RNF213: variants seen among roughly 807,000 people sequenced by gnomAD.
RNF213 encodes ring finger protein 213.
In RNF213, 341 loss-of-function variants were observed where a neutral mutation model predicts 514.4. That is an observed-to-expected ratio of 0.66 (90% CI 0.61 to 0.73). RNF213 has a LOEUF of 0.73. RNF213 is among the 30% of genes least tolerant of loss of function. The pLI, the probability that RNF213 is intolerant of heterozygous loss-of-function variation, is 0.00. For synonymous variants in RNF213, 2,655 were observed against 2,658.2 expected (o/e 1.00, Z 0.04); for missense variants, 5,767 against 6,615.6 (o/e 0.87, Z 4.45).
At chr17:80,277,974 C>T in intron 3 of RNF213, among the ~76,000 whole-genome samples, 1 of 152,212 alleles carries the variant, frequency 6.6e-6, no homozygotes, top group Admixed American at 6.5e-5. Context: ...GGGGCCCGCG[C>T]CTGTCCCTTG....
chr17:80,353,347 G>C lies in RNF213; in HGVS notation c.10424-165G>C. The stretch of plus-strand genomic sequence containing the variant: ...CTGGAAGGAAGGGGCTGCCTTGGGG[G>C]CTGATCTTCATGACCGTGATCTCTC... On this transcript the variant is annotated intron_variant, in intron 33 of 67. Coordinates refer to ENST00000582970, the MANE Select transcript of RNF213 (RefSeq NM_001256071.3). The surrounding 1 kb of genome is among the most constrained non-coding windows in gnomAD (Gnocchi z 5.0). The C allele has an allele frequency of 1.1e-6, 1 of 877,994 alleles. No homozygotes were observed. The highest frequency in any genetic ancestry group is 1.5e-5 in the South Asian group (1 of 67,280). The allele number at this position is 877,994 out of a possible 1,614,324, so 54.4% of individuals were successfully genotyped here. A position where few individuals can be genotyped will look rare whatever the true frequency, so the allele number is the denominator to read the frequency against.
chr17:80,345,896 A>G lies in RNF213; in HGVS notation c.7561A>G (p.Ile2521Val), dbSNP rs1425008837. The change falls in exon 29 of 68, where the codon ATA becomes GTA. Residue 2521 changes from isoleucine (I) to valine (V), a missense_variant. By Grantham distance (29) the Ile-to-Val change is conservative (BLOSUM62 3). Transcript: ENST00000582970. This position sits in a 1 kb window ranked among gnomAD's most constrained non-coding sequence, Gnocchi z 6.0. Reference sequence around the variant, plus strand: ...GGCTGAGGACTCTGGCCTGCATATTATAGCTGCCTGCAATCCATACCGGAA... The same window carrying G: ...GGCTGAGGACTCTGGCCTGCATATTGTAGCTGCCTGCAATCCATACCGGAA... The part of the protein sequence containing the change: ...PLAEDSGLHI[I>V]AACNPYRKHS... The G allele has an allele frequency of 6.2e-7, 1 of 1,614,222 alleles. No individual in the cohort carries two copies. Among genetic ancestry groups the G allele is most frequent in the Admixed American group, 1.7e-5 (1 of 60,034 alleles).
chr17:80,270,013 A>G (rs2043765417), intron 2 of RNF213, among the ~76,000 whole-genome samples: 1 of 152,262 alleles, frequency 6.6e-6, no homozygotes, highest in Admixed American at 6.5e-5. Flanking sequence ...AATAGCACGA[A>G]GTTTCCTCAC....
rs2078630056 is a variant in RNF213 at position 80,353,913 on chromosome 17, C to T, written c.10579-106C>T. Reference sequence around the variant, plus strand: ...TCTTCTTTGTCCGTGAGGACCGCCGCCCTGTGCTGTTTGCTGCATTGAGAC... The same window carrying T: ...TCTTCTTTGTCCGTGAGGACCGCCGTCCTGTGCTGTTTGCTGCATTGAGAC... On this transcript the variant is annotated intron_variant, in intron 34 of 67. Coordinates refer to ENST00000582970, the MANE Select transcript of RNF213 (RefSeq NM_001256071.3). The surrounding 1 kb of genome is among the most constrained non-coding windows in gnomAD (Gnocchi z 5.0). 2 of 1,457,044 alleles carry T rather than the reference C, an allele frequency of 1.4e-6. No homozygotes were observed. The highest frequency in any genetic ancestry group is 1.9e-6 in the Non-Finnish European group (2 of 1,051,248). 90.3% of individuals were successfully genotyped at this position (1,457,044 alleles called of 1,614,324 possible).
intron 2 of RNF213, among the ~76,000 whole-genome samples, chr17:80,271,703 G>A (rs576378293): frequency 6.6e-6 from 1 of 152,362 alleles, no homozygotes; most frequent in African/African-American, 2.4e-5. Flanking sequence ...AAAAGGCCGG[G>A]TGTGGTGGCT....
rs1027915796 is a variant in RNF213 at position 80,287,831 on chromosome 17, G to A, written c.278G>A (p.Arg93Lys). The change falls in exon 4 of 68, where the codon AGG becomes AAG. Residue 93 changes from arginine (R) to lysine (K), a missense_variant. Coordinates refer to ENST00000582970, the MANE Select transcript of RNF213 (RefSeq NM_001256071.3). ...WTVQESKKKKRKKKKKGNKSA... is the reference protein window; with the variant it reads ...WTVQESKKKKKKKKKKGNKSA... ...TCTGTTTAGAGCAAAAAGAAGAAAA[G>A]GAAGAAGAAAAAGAAGGGGAACAAG... 5.6e-6 allele frequency: 9 copies of A among 1,612,528 alleles called. 1 individual carries two copies. In the Admixed American group the frequency reaches 8.3e-5, roughly 15 times the overall value.
chr17:80,274,559 A>C, intron 3 of RNF213, among the ~76,000 whole-genome samples: 1 of 75,200 alleles, frequency 1.3e-5, no homozygotes, highest in East Asian at 3.9e-4. Context: ...TATGGTGGGA[A>C]GTGATGCAGC....
At chr17:80,384,798 G>A (rs924237360) in intron 59 of RNF213, 2 of 548,098 alleles carry the variant, frequency 3.6e-6, no homozygotes, top group Admixed American at 2.9e-5. Flanking sequence ...CGCGGCTGAT[G>A]CGTCAGCTCC....
chr17:80,292,328 G>A (rs930542933), intron 8 of RNF213, among the ~76,000 whole-genome samples: 9 of 152,034 alleles, frequency 5.9e-5, no homozygotes, highest in East Asian at 1.9e-4. Context: ...TCGACCTCCC[G>A]AAGTGTTGGG....
chr17:80,335,557 T>C (rs995345617), intron 22 of RNF213, among the ~76,000 whole-genome samples: 3 of 152,198 alleles, frequency 2.0e-5, no homozygotes, highest in African/African-American at 7.2e-5. Flanking sequence ...AGCTGAGCCT[T>C]GGTTTCTTTT....
rs777179416 is a variant in RNF213, at chr17:80,372,635, G to A, written c.12652G>A (p.Ala4218Thr). Residue 4218 changes from alanine to threonine, a missense_variant, in exon 48 of 68, where the codon GCC becomes ACC. Physicochemically the swap from Ala to Thr is moderately conservative, Grantham distance 58. Coordinates refer to ENST00000582970, the MANE Select transcript of RNF213 (RefSeq NM_001256071.3). ...TCCAGCAAGCCGGGGCCGAGAGCCT[G>A]CCAACGAGGCCTCGGTTGAATACCT... Reference protein sequence around the residue: ...YSPASRGREPANEASVEYLQE... With the variant: ...YSPASRGREPTNEASVEYLQE... 3.1e-6 allele frequency: 5 copies of A among 1,613,956 alleles called. No homozygotes were observed. In the Admixed American group the frequency reaches 5.0e-5, roughly 16 times the overall value.
rs545741904 is a variant in RNF213 at position 80,312,419 on chromosome 17, G to C, written c.2656-593G>C. Reference sequence around the variant, plus strand: ...CATGATGGGAGCACAGTGGGAAGGGGACCCAGGTTTACCTCCGGGTCAGGA... The same window carrying C: ...CATGATGGGAGCACAGTGGGAAGGGCACCCAGGTTTACCTCCGGGTCAGGA... On this transcript the variant is annotated intron_variant, in intron 14 of 67. Coordinates refer to ENST00000582970, the MANE Select transcript of RNF213 (RefSeq NM_001256071.3). 2.0e-5 allele frequency among the ~76,000 whole-genome samples: 3 copies of C among 151,830 alleles called. No homozygotes were observed. The East Asian group carries it at 5.9e-4, about 30-fold the overall frequency.
chr17:80,337,475 G>A (rs551628571), intron 23 of RNF213, 111 bp from the exon 24 acceptor site: 155 of 1,399,842 alleles, frequency 1.1e-4, no homozygotes, highest in African/African-American at 9.8e-4. Flanking sequence ...CTGGGGAAGC[G>A]TGGGGAGAAG....
At position 80,353,439 on chromosome 17, in the gene RNF213, C is replaced by G. The variant is rs1320553882; in HGVS notation, c.10424-73C>G. ...CACTCGGAGGCTGAGCACACAGACT[C>G]CCAGATGGCACCGCTGCCAGTCCCT... On this transcript the variant is annotated intron_variant, in intron 33 of 67. Coordinates refer to ENST00000582970, the MANE Select transcript of RNF213 (RefSeq NM_001256071.3). This position sits in a 1 kb window ranked among gnomAD's most constrained non-coding sequence, Gnocchi z 5.0. 6.6e-7 allele frequency: 1 copy of G among 1,517,566 alleles called. No homozygotes were observed. Among genetic ancestry groups the G allele is most frequent in the Non-Finnish European group, 9.0e-7 (1 of 1,115,556 alleles). 94.0% of individuals were successfully genotyped at this position (1,517,566 alleles called of 1,614,324 possible).
rs756514849 is a variant in RNF213, at chr17:80,345,046, G to C, written c.6711G>C (p.Pro2237=). The C allele has an allele frequency of 6.2e-7, 1 of 1,614,000 alleles. No individual in the cohort carries two copies. Among genetic ancestry groups the C allele is most frequent in the Non-Finnish European group, 8.5e-7 (1 of 1,180,018 alleles). The part of the protein sequence containing the change: ...RDCEASLFCN[P]SFIGDTLRGF... ...GTGAGGCCTCTCTCTTCTGCAATCC[G>C]AGTTTTATTGGCGACACACTGAGGG... Residue 2237 remains proline, a synonymous_variant, in exon 29 of 68, where the codon CCG becomes CCC. Coordinates refer to ENST00000582970, the MANE Select transcript of RNF213 (RefSeq NM_001256071.3). The surrounding 1 kb of genome is among the most constrained non-coding windows in gnomAD (Gnocchi z 6.0).
In RNF213 at chr17:80,364,501, G is replaced by A. The variant is rs951558125; in HGVS notation, c.11819G>A (p.Arg3940His). ...VEHVLLGTESRVPELQGLVTE... is the reference protein window; with the variant it reads ...VEHVLLGTESHVPELQGLVTE... ...CACGTGCTCCTAGGAACCGAGAGCC[G>A]CGTCCCCGAGTTACAGGGGCTGGTG... The change falls in exon 42 of 68, where the codon CGC becomes CAC. Residue 3940 changes from arginine to histidine, a missense_variant. Coordinates refer to ENST00000582970, the MANE Select transcript of RNF213 (RefSeq NM_001256071.3). 1.9e-6 allele frequency: 3 copies of A among 1,613,998 alleles called. No homozygotes were observed. The highest frequency in any genetic ancestry group is 1.3e-5 in the African/African-American group (1 of 74,908).
intron 16 of RNF213, among the ~76,000 whole-genome samples, chr17:80,318,910 T>G (rs905055282): frequency 6.6e-6 from 1 of 152,272 alleles, no homozygotes; most frequent in South Asian, 2.1e-4. Flanking sequence ...AAGGGAAAAG[T>G]CAGAAACAAG....
rs2079793488 is a variant in RNF213, at chr17:80,377,131, C to G, written c.13510+168C>G. 2 of 653,590 alleles carry G rather than the reference C, an allele frequency of 3.1e-6. No individual in the cohort carries two copies. The highest frequency in any genetic ancestry group is 5.5e-6 in the Non-Finnish European group (2 of 360,592). 40.5% of individuals were successfully genotyped at this position (653,590 alleles called of 1,614,324 possible). A position where few individuals can be genotyped will look rare whatever the true frequency, so the allele number is the denominator to read the frequency against. On this transcript the variant is annotated intron_variant, in intron 53 of 67. Transcript: ENST00000582970. This position sits in a 1 kb window ranked among gnomAD's most constrained non-coding sequence, Gnocchi z 4.1. The stretch of plus-strand genomic sequence containing the variant: ...GCAGAAGACGAATGGCTTGAAGGAG[C>G]TGGCACTCCGCCGGCTAGATGATCC...
chr17:80,356,983 G>A (rs1015469249), intron 36 of RNF213, among the ~76,000 whole-genome samples: 10 of 150,724 alleles, frequency 6.6e-5, no homozygotes, highest in African/African-American at 1.7e-4. Flanking sequence ...GCAATGGCGC[G>A]ATTTTGGCTC....
Sources: allele counts gnomAD v4.1 joint callset (sites outside exome capture counted in the v4.1 genomes callset), GRCh38; gene constraint gnomAD v4.1.1; non-coding constraint Gnocchi (gnomAD v3.1); transcripts MANE v1.5; gene names NCBI Gene and HGNC (gene_info 2026-07-23, HGNC 2026-07-21).